Variants in DPYD observed in about 807,000 individuals in gnomAD.
The protein encoded by DPYD is dihydropyrimidine dehydrogenase, also known as dihydropyrimidine dehydrogenase [NADP(+)].
A neutral mutation model predicts 116.2 loss-of-function variants in DPYD; 109 were observed. The ratio of observed to expected loss-of-function variants is 0.94; its 90% CI spans 0.80 to 1.10. DPYD has a LOEUF of 1.10. DPYD is among the 50% of genes least tolerant of loss of function. DPYD has a pLI of 0.00. For synonymous variants in DPYD, 440 were observed against 432.0 expected (o/e 1.02, Z -0.23); for missense variants, 1,302 against 1,254.5 (o/e 1.04, Z -0.57).
intron 3 of DPYD, among the ~76,000 whole-genome samples, chr1:97,791,891 A>G (rs1667337728): frequency 6.6e-6 from 1 of 152,234 alleles, no homozygotes; most frequent in Non-Finnish European, 1.5e-5. Flanking sequence ...AAAGGAAGTT[A>G]GTAATGGGTA....
intron 2 of DPYD, among the ~76,000 whole-genome samples, chr1:97,882,482 G>A (rs1268151439): frequency 5.3e-5 from 8 of 151,944 alleles, no homozygotes; most frequent in Admixed American, 5.3e-4. Flanking sequence ...GGTTCCAATT[G>A]AGCTAATGTT....
At chr1:97,378,035 C>T (rs887982093) in intron 15 of DPYD, among the ~76,000 whole-genome samples, 14 of 152,218 alleles carry the variant, frequency 9.2e-5, no homozygotes, top group Admixed American at 6.5e-4. Context: ...TAAATGAATA[C>T]ATGGGGTCAG....
At chr1:97,261,761 A>T (rs1266238151) in intron 18 of DPYD, among the ~76,000 whole-genome samples, 1 of 151,982 alleles carries the variant, frequency 6.6e-6, no homozygotes, top group Non-Finnish European at 1.5e-5. Context: ...AGCTCTATGA[A>T]GTCTGATTTT....
chr1:97,611,924 C>T (rs899413347), intron 8 of DPYD, among the ~76,000 whole-genome samples: 1 of 152,026 alleles, frequency 6.6e-6, no homozygotes, highest in African/African-American at 2.4e-5. Context: ...CTTTCATAAA[C>T]ATTCATCACT....
intron 8 of DPYD, among the ~76,000 whole-genome samples, chr1:97,602,167 A>G (rs1655288010): frequency 1.3e-5 from 2 of 152,028 alleles, no homozygotes; most frequent in South Asian, 4.1e-4. Flanking sequence ...TGAAAATCTG[A>G]TACATGCTGA....
chr1:97,159,303 G>A (rs1029570337), intron 20 of DPYD, among the ~76,000 whole-genome samples: 3 of 151,994 alleles, frequency 2.0e-5, no homozygotes, highest in African/African-American at 7.2e-5. Context: ...TCATTAGGTA[G>A]GCTTAACAGC....
chr1:97,821,331 C>CAAAAAAAAAAAAAAAAAAAAAACAAAAAA, intron 3 of DPYD, among the ~76,000 whole-genome samples: 1 of 113,848 alleles, frequency 8.8e-6, no homozygotes, highest in Non-Finnish European at 1.7e-5. Flanking sequence ...AACTCCACCT[C>CAAAAAAAAAAAAAAAAAAAAAACAAAAAA]AAAAAAAAAA....
At chr1:97,173,179 T>A (rs1182473649) in intron 20 of DPYD, among the ~76,000 whole-genome samples, 1 of 150,512 alleles carries the variant, frequency 6.6e-6, no homozygotes, top group Non-Finnish European at 1.5e-5. Flanking sequence ...TACACATGTA[T>A]ACATATATAT....
At chr1:97,798,646 C>A (rs535408028) in intron 3 of DPYD, among the ~76,000 whole-genome samples, 1 of 151,916 alleles carries the variant, frequency 6.6e-6, no homozygotes, top group Non-Finnish European at 1.5e-5. Context: ...ATAGTACCTA[C>A]CTCACAGGAT....
intron 3 of DPYD, among the ~76,000 whole-genome samples, chr1:97,795,420 C>A (rs1009535549): frequency 1.3e-5 from 2 of 151,938 alleles, no homozygotes; most frequent in African/African-American, 4.8e-5. Flanking sequence ...ATTAACTACT[C>A]AACATTTAGT....
At chr1:97,580,176 T>C (rs571686430) in intron 10 of DPYD, among the ~76,000 whole-genome samples, 2 of 152,328 alleles carry the variant, frequency 1.3e-5, no homozygotes, top group East Asian at 3.9e-4. Context: ...AACCAGCATA[T>C]ATTAAATTCT....
chr1:97,740,473 C>A lies in DPYD; in HGVS notation c.240G>T (p.Leu80=). The part of the protein sequence containing the change: ...RGALREAMRC[L]KCADAPCQKS... ...TCTGACACGGGGCATCTGCACATTT[C>A]AGGCATCTAGGAAATAAAATAACTA... is the stretch of plus-strand genomic sequence containing the variant. The change falls in exon 4 of 23, where the codon CTG becomes CTT. Residue 80 remains leucine, a synonymous_variant. Transcript: ENST00000370192. The A allele has an allele frequency of 6.2e-7, 1 of 1,612,360 alleles. No individual in the cohort carries two copies. The highest frequency in any genetic ancestry group is 8.5e-7 in the Non-Finnish European group (1 of 1,179,024).
chr1:97,230,247 T>C (rs961652972), intron 19 of DPYD, among the ~76,000 whole-genome samples: 6 of 152,188 alleles, frequency 3.9e-5, no homozygotes, highest in Non-Finnish European at 8.8e-5. Context: ...TTCCCATCAA[T>C]GATAGACTGG....
At chr1:97,650,803 T>C (rs1012209033) in intron 8 of DPYD, among the ~76,000 whole-genome samples, 1 of 152,024 alleles carries the variant, frequency 6.6e-6, no homozygotes, top group South Asian at 2.1e-4. Flanking sequence ...TTGAAAAAAA[T>C]TTAAATCTTA....
At chr1:97,458,753 T>C (rs1466760324) in intron 13 of DPYD, among the ~76,000 whole-genome samples, 1 of 152,202 alleles carries the variant, frequency 6.6e-6, no homozygotes, top group African/African-American at 2.4e-5. Flanking sequence ...TCTAAGAATC[T>C]TAACCTGTGT....
At chr1:97,117,572 G>T (rs1170927164) in intron 20 of DPYD, among the ~76,000 whole-genome samples, 2 of 152,122 alleles carry the variant, frequency 1.3e-5, no homozygotes, top group African/African-American at 2.4e-5. Flanking sequence ...CATATTGCAA[G>T]AAACTTTTAG....
chr1:97,127,149 C>T (rs1171270972), intron 20 of DPYD, among the ~76,000 whole-genome samples: 1 of 152,076 alleles, frequency 6.6e-6, no homozygotes, highest in African/African-American at 2.4e-5. Context: ...ACGAACAAGG[C>T]CTGACAGCAT....
At chr1:97,547,451 C>A (rs1261317392) in intron 12 of DPYD, among the ~76,000 whole-genome samples, 1 of 152,150 alleles carries the variant, frequency 6.6e-6, no homozygotes, top group Non-Finnish European at 1.5e-5. Context: ...GAGCCTGAAC[C>A]ACTCACCAAC....
rs146628719 is a variant in DPYD, at chr1:97,495,279, T to C, written c.1740+20447A>G. 8.5e-5 allele frequency among the ~76,000 whole-genome samples: 13 copies of C among 152,138 alleles called. No individual in the cohort carries two copies. In the East Asian group the frequency reaches 2.5e-3, roughly 29 times the overall value. ...GATGTCAAAACATACTTTGGGGAGA[T>C]ACAGTTGGATGAAAATATGTAGATT... On this transcript the variant is annotated intron_variant, in intron 13 of 22. Coordinates refer to ENST00000370192, the MANE Select transcript of DPYD (RefSeq NM_000110.4).
Sources: gnomAD v4.1 joint callset for allele counts (sites outside exome capture counted in the v4.1 genomes callset) on GRCh38, gnomAD v4.1.1 for gene constraint, MANE v1.5 for transcripts, NCBI Gene and HGNC (gene_info 2026-07-23, HGNC 2026-07-21) for gene names.